Variants in CSMD3 observed in about 807,000 individuals in gnomAD.
CSMD3 encodes CUB and Sushi multiple domains 3, also known as CUB and sushi domain-containing protein 3.
Under a neutral mutation model 435.2 loss-of-function variants are expected in CSMD3, and 177 were observed. The ratio of observed to expected loss-of-function variants is 0.41; its 90% CI spans 0.36 to 0.46. CSMD3 has a LOEUF of 0.46. CSMD3 is among the 20% of genes least tolerant of loss of function. CSMD3 has a pLI of 0.34. For missense variants in CSMD3, 4,265 were observed against 4,504.6 expected (o/e 0.95, Z 1.52); for synonymous variants, 1,656 against 1,520.5 (o/e 1.09, Z -2.07).
At chr8:113,095,884 C>G (rs1019965151) in intron 5 of CSMD3, among the ~76,000 whole-genome samples, 3 of 151,964 alleles carry the variant, frequency 2.0e-5, no homozygotes, top group Non-Finnish European at 2.9e-5. Flanking sequence ...GTCCTGGAAC[C>G]AATTTCCTGA....
chr8:112,917,942 T>A (rs1029831846), intron 10 of CSMD3, among the ~76,000 whole-genome samples: 1 of 151,876 alleles, frequency 6.6e-6, no homozygotes, highest in African/African-American at 2.4e-5. Flanking sequence ...TCTGCCTATA[T>A]CCACAATAAT....
chr8:113,004,422 T>G (rs2085979508), intron 6 of CSMD3, among the ~76,000 whole-genome samples: 1 of 152,042 alleles, frequency 6.6e-6, no homozygotes, highest in South Asian at 2.1e-4. Flanking sequence ...AAAGGTATAT[T>G]AAAGCATTCA....
At chr8:113,247,166 G>T (rs2093284437) in intron 3 of CSMD3, among the ~76,000 whole-genome samples, 2 of 152,138 alleles carry the variant, frequency 1.3e-5, no homozygotes, top group Admixed American at 1.3e-4. Context: ...GTTCCAACCA[G>T]TATCAATGCC....
rs564096589 is a variant in CSMD3, at chr8:112,557,094, G to T, written c.4043-140C>A. On this transcript the variant is annotated intron_variant, in intron 24 of 70. Transcript: ENST00000297405. ...ATTGCCCTTACCATATTTAATTTTC[G>T]TATCATACAACAACCATGCAGACCT... The T allele has an allele frequency of 2.4e-5, 15 of 624,064 alleles. No homozygotes were observed. The African/African-American group carries it at 2.8e-4, about 12-fold the overall frequency. The allele number at this position is 624,064 out of a possible 1,614,324, so 38.7% of individuals were successfully genotyped here.
intron 6 of CSMD3, among the ~76,000 whole-genome samples, chr8:112,998,089 C>T (rs375732327): frequency 6.6e-6 from 1 of 151,614 alleles, no homozygotes; most frequent in African/African-American, 2.4e-5. Context: ...TTATACATTA[C>T]ATAATTTTAT....
intron 13 of CSMD3, among the ~76,000 whole-genome samples, chr8:112,717,914 G>T (rs1227641234): frequency 1.3e-5 from 2 of 152,036 alleles, no homozygotes; most frequent in Admixed American, 6.6e-5. Context: ...GCCTGTCAGG[G>T]GGTGGAGGGC....
Position 112,228,992 on chromosome 8 carries a change from C to A in CSMD3, c.10829-101G>T, listed in dbSNP as rs1021316935. 5 of 705,988 alleles carry A rather than the reference C, an allele frequency of 7.1e-6. No homozygotes were observed. In the African/African-American group the frequency reaches 9.0e-5, roughly 13 times the overall value. 43.7% of individuals were successfully genotyped at this position (705,988 alleles called of 1,614,324 possible). On this transcript the variant is annotated intron_variant, in intron 69 of 70. Coordinates refer to ENST00000297405, the MANE Select transcript of CSMD3 (RefSeq NM_198123.2). The stretch of plus-strand genomic sequence containing the variant: ...TTTCTTCTATTCTCAAGATATCTAC[C>A]TGGAAATCACATAGTAAACAAAAAT...
intron 4 of CSMD3, among the ~76,000 whole-genome samples, chr8:113,142,865 A>AATATAT (rs60270302): frequency 2.5e-4 from 36 of 145,054 alleles, no homozygotes; most frequent in Non-Finnish European, 4.3e-4. Context: ...GAACTCCTTA[A>AATATAT]ATATATATAT....
At chr8:112,965,298 T>C (rs1393004342) in intron 7 of CSMD3, among the ~76,000 whole-genome samples, 1 of 151,936 alleles carries the variant, frequency 6.6e-6, no homozygotes, top group Admixed American at 6.6e-5. Flanking sequence ...CACATAATGG[T>C]TTCATCTCTG....
chr8:112,270,923 T>C (rs1051536592), intron 59 of CSMD3, among the ~76,000 whole-genome samples: 45 of 152,188 alleles, frequency 3.0e-4, no homozygotes, highest in African/African-American at 9.2e-4. Context: ...CTTTACCACA[T>C]AGTTTAACTA....
chr8:112,898,085 CT>C (rs1332053686), intron 10 of CSMD3, among the ~76,000 whole-genome samples: 1 of 151,102 alleles, frequency 6.6e-6, no homozygotes, highest in Non-Finnish European at 1.5e-5. Flanking sequence ...TTCCTTACTG[CT>C]GTGCCCAAAT....
chr8:112,443,641 G>A (rs933609959), intron 32 of CSMD3, among the ~76,000 whole-genome samples: 14 of 151,990 alleles, frequency 9.2e-5, no homozygotes, highest in Non-Finnish European at 2.9e-5. Flanking sequence ...AGTAAAATGA[G>A]TAGAGAAAAT....
intron 4 of CSMD3, among the ~76,000 whole-genome samples, chr8:113,106,048 C>G (rs1286671171): frequency 6.6e-6 from 1 of 151,868 alleles, no homozygotes; most frequent in Non-Finnish European, 1.5e-5. Context: ...GGTTAGCACA[C>G]TATACCCCAG....
intron 12 of CSMD3, among the ~76,000 whole-genome samples, chr8:112,817,501 C>A (rs996823568): frequency 6.6e-6 from 1 of 152,110 alleles, no homozygotes; most frequent in East Asian, 1.9e-4. Context: ...TTGTTCAAAT[C>A]CTTTATCTGA....
At chr8:112,857,604 C>G (rs1416517801) in intron 11 of CSMD3, among the ~76,000 whole-genome samples, 6 of 151,754 alleles carry the variant, frequency 4.0e-5, no homozygotes, top group Non-Finnish European at 8.9e-5. Flanking sequence ...TGAGATAAGT[C>G]TTTGTACCTA....
At chr8:112,979,328 G>A (rs957637721) in intron 6 of CSMD3, among the ~76,000 whole-genome samples, 3 of 151,502 alleles carry the variant, frequency 2.0e-5, no homozygotes, top group Non-Finnish European at 3.0e-5. Flanking sequence ...CCTTTTTAAG[G>A]TAATAAAGTC....
At chr8:113,238,444 G>A (rs1324737901) in intron 3 of CSMD3, among the ~76,000 whole-genome samples, 1 of 152,120 alleles carries the variant, frequency 6.6e-6, no homozygotes, top group East Asian at 1.9e-4. Context: ...AAATTAGATA[G>A]ATGGGGACTT....
chr8:112,563,129 A>G (rs1007740230), intron 24 of CSMD3, among the ~76,000 whole-genome samples: 7 of 151,904 alleles, frequency 4.6e-5, no homozygotes, highest in African/African-American at 1.7e-4. Context: ...AATAAAGAAT[A>G]TAAAGGGAAT....
In CSMD3 at chr8:112,850,437, T is replaced by C. The variant is rs1431785333; in HGVS notation, c.1755+8708A>G. ...GCTTTTGTTGATGTCTGCCAAACAT[T>C]TGTATCTGTAGCTAACTCATGGTTA... On this transcript the variant is annotated intron_variant, in intron 11 of 70. Coordinates refer to ENST00000297405, the MANE Select transcript of CSMD3 (RefSeq NM_198123.2). 2.0e-5 allele frequency among the ~76,000 whole-genome samples: 3 copies of C among 152,220 alleles called. No homozygotes were observed. In the South Asian group the frequency reaches 6.2e-4, roughly 31 times the overall value.
Sources: allele counts gnomAD v4.1 joint callset (sites outside exome capture counted in the v4.1 genomes callset), GRCh38; gene constraint gnomAD v4.1.1; transcripts MANE v1.5; gene names NCBI Gene and HGNC (gene_info 2026-07-23, HGNC 2026-07-21).